POGZ: variants seen among roughly 807,000 people sequenced by gnomAD.
POGZ encodes pogo transposable element with ZNF domain.
In POGZ, 17 loss-of-function variants were observed where a neutral mutation model predicts 134.6. That is an observed-to-expected ratio of 0.13 (90% CI 0.09 to 0.19). The LOEUF (loss-of-function observed/expected upper bound fraction) is 0.19. Ranked by LOEUF, POGZ falls within the 10% of genes least tolerant of loss-of-function variation. The pLI, the probability that POGZ is intolerant of heterozygous loss-of-function variation, is 1.00. For missense variants in POGZ, 1,306 were observed against 1,769.7 expected, an observed-to-expected ratio of 0.74 and a Z score of 4.70; for synonymous variants, 693 against 657.1, an observed-to-expected ratio of 1.05 and a Z score of -0.84.
chr1:151,423,859 T>A, intron 9 of POGZ, 90 bp downstream of exon 9: 3 of 979,252 alleles, frequency 3.1e-6, no homozygotes, highest in Non-Finnish European at 4.5e-6. Flanking sequence ...AGTAGTTAGG[T>A]CCATTCTCCA....
chr1:151,423,526 C>G lies in POGZ; in HGVS notation c.1549G>C (p.Val517Leu). ...TCACCGTTCTGCTGATCGAGTTCTA[C>G]GTGGTGTTTCATATGGTTCATGAAT... ...IRFMNHMKHH[V>L]ELDQQNGEVD... is the part of the protein sequence containing the mutation. Residue 517 changes from valine (V) to leucine (L), a missense_variant, in exon 10 of 19, where the codon GTA (valine) becomes CTA (leucine). This residue lies in a region of POGZ where 541 missense variants were observed against 680.5 expected (regional missense o/e 0.80). Coordinates refer to ENST00000271715, the MANE Select transcript of POGZ (RefSeq NM_015100.4). The G allele has an allele frequency of 6.2e-7, 1 of 1,613,662 alleles. No homozygotes were observed. Among genetic ancestry groups the G allele is most frequent in the Non-Finnish European group, 8.5e-7 (1 of 1,179,696 alleles).
Position 151,403,815 on chromosome 1 carries a change from C to G in POGZ, c.*987G>C, listed in dbSNP as rs995368269. ...TAGGACCAGTAATCCCTTAAACAGGCATGCTCTCCATCTAACAGGATGAAG... is the reference window on the plus strand; with the variant it reads ...TAGGACCAGTAATCCCTTAAACAGGGATGCTCTCCATCTAACAGGATGAAG... On this transcript the variant is annotated 3_prime_UTR_variant, in exon 19 of 19. Transcript: ENST00000271715. The G allele has an allele frequency of 4.1e-5, 40 of 985,412 alleles. No homozygotes were observed. Among genetic ancestry groups the G allele is most frequent in the Non-Finnish European group, 4.6e-5 (38 of 829,948 alleles). The allele number at this position is 985,412 out of a possible 1,614,324, so 61.0% of individuals were successfully genotyped here. A position where few individuals can be genotyped will look rare whatever the true frequency, so the allele number is the denominator to read the frequency against.
At chr1:151,451,320 AT>A (rs1291143338) in intron 1 of POGZ, among the ~76,000 whole-genome samples, 1 of 151,370 alleles carries the variant, frequency 6.6e-6, no homozygotes, top group Non-Finnish European at 1.5e-5. Flanking sequence ...TTATTTATTT[AT>A]TTTATTTTTT....
At position 151,404,677 on chromosome 1, in the gene POGZ, T is replaced by C. The variant is rs1653244085; in HGVS notation, c.*125A>G. The C allele has an allele frequency of 2.8e-6, 4 of 1,409,388 alleles. No homozygotes were observed. In the Admixed American group the frequency reaches 9.2e-5, roughly 32 times the overall value. The allele number at this position is 1,409,388 out of a possible 1,614,324, so 87.3% of individuals were successfully genotyped here. A position where few individuals can be genotyped will look rare whatever the true frequency, so the allele number is the denominator to read the frequency against. The stretch of plus-strand genomic sequence containing the variant: ...AGTGTAAGTCAACTTCAGGGGGGAG[T>C]GGTGGTATAAAATTAAAAAATAGAA... On this transcript the variant is annotated 3_prime_UTR_variant, in exon 19 of 19. Coordinates refer to ENST00000271715, the MANE Select transcript of POGZ (RefSeq NM_015100.4).
Position 151,405,480 on chromosome 1 carries a change from G to A in POGZ, c.3555C>T (p.Asn1185=). The change falls in exon 19 of 19, where the codon AAC becomes AAT. Residue 1185 remains asparagine (N), a synonymous_variant. Coordinates refer to ENST00000271715, the MANE Select transcript of POGZ (RefSeq NM_015100.4). The surrounding 1 kb of genome is among the most constrained non-coding windows in gnomAD (Gnocchi z 4.9). ...CCTCTAGCAATATGGAGTCTGGCAT[G>A]TTAGCAGGCTGATCCATCTGCCCTC... ...FYRGQMDQPA[N]MPDSILLEAK... is the part of the protein sequence containing the mutation. 1 of 1,614,212 alleles carries A rather than the reference G, an allele frequency of 6.2e-7. No homozygotes were observed. The highest frequency in any genetic ancestry group is 1.1e-5 in the South Asian group (1 of 91,090).
In POGZ at chr1:151,403,938, T is replaced by C; in HGVS notation, c.*864A>G. 1 of 984,996 alleles carries C rather than the reference T, an allele frequency of 1.0e-6. No homozygotes were observed. Among genetic ancestry groups the C allele is most frequent in the Non-Finnish European group, 1.2e-6 (1 of 829,504 alleles). 61.0% of individuals were successfully genotyped at this position (984,996 alleles called of 1,614,324 possible). The stretch of plus-strand genomic sequence containing the variant: ...AACTGTTTGATCGCTTCAGTATCTC[T>C]TGCTTGCTAATAACACCTGTATGAT... On this transcript the variant is annotated 3_prime_UTR_variant, in exon 19 of 19. Transcript: ENST00000271715.
intron 7 of POGZ, chr1:151,427,040 G>A (rs138682012): frequency 1.3e-5 from 2 of 151,556 alleles, no homozygotes; most frequent in Non-Finnish European, 1.5e-5. Flanking sequence ...GAGTAGCGAG[G>A]ACTGCAGACA....
At position 151,404,350 on chromosome 1, in the gene POGZ, CAAT is replaced by C. The variant is rs2102136301; in HGVS notation, c.*449_*451del. 1.0e-6 allele frequency: 1 copy of C among 985,670 alleles called. No homozygotes were observed. Among genetic ancestry groups the C allele is most frequent in the Non-Finnish European group, 1.2e-6 (1 of 829,638 alleles). 61.1% of individuals were successfully genotyped at this position (985,670 alleles called of 1,614,324 possible). A position where few individuals can be genotyped will look rare whatever the true frequency, so the allele number is the denominator to read the frequency against. On this transcript the variant is annotated 3_prime_UTR_variant, in exon 19 of 19. Transcript: ENST00000271715. ...ATCTTCAGAAATGTTCTCACATTAA[CAAT>C]GATTAGATAGCATCATGCCCAAAGA...
chr1:151,452,375 G>T (rs1165195294), intron 1 of POGZ, among the ~76,000 whole-genome samples: 1 of 151,456 alleles, frequency 6.6e-6, no homozygotes, highest in African/African-American at 2.4e-5. Flanking sequence ...TTTTGAGACA[G>T]GGTGTCATTC....
At chr1:151,417,010 T>C (rs907067505) in intron 10 of POGZ, among the ~76,000 whole-genome samples, 1 of 152,052 alleles carries the variant, frequency 6.6e-6, no homozygotes, top group Non-Finnish European at 1.5e-5. Context: ...ACTCAGAAAA[T>C]TTTTAAATAA....
At chr1:151,438,210 C>G (rs1435742380) in intron 3 of POGZ, among the ~76,000 whole-genome samples, 2 of 139,996 alleles carry the variant, frequency 1.4e-5, no homozygotes, top group Non-Finnish European at 3.1e-5. Context: ...GACTCCATCT[C>G]AAAAAAAAAC....
At chr1:151,416,051 T>C (rs181756198) in intron 10 of POGZ, among the ~76,000 whole-genome samples, 6 of 149,310 alleles carry the variant, frequency 4.0e-5, no homozygotes, top group African/African-American at 4.9e-5. Flanking sequence ...CCGCCTCTAA[T>C]ACAAAAATTA....
intron 10 of POGZ, among the ~76,000 whole-genome samples, chr1:151,416,228 A>AAAAAAAAG: frequency 6.7e-6 from 1 of 148,778 alleles, no homozygotes; most frequent in African/African-American, 2.5e-5. Context: ...AAAAAAAAAA[A>AAAAAAAAG]AAAAAAAGAA....
chr1:151,433,824 T>C (rs1659136112), intron 3 of POGZ, among the ~76,000 whole-genome samples: 1 of 152,114 alleles, frequency 6.6e-6, no homozygotes, highest in Admixed American at 6.6e-5. Flanking sequence ...CTTACAAGGT[T>C]CTATTTCCAG....
intron 5 of POGZ, 63 bp from the exon 6 acceptor site, chr1:151,428,476 T>C: frequency 7.3e-7 from 1 of 1,373,906 alleles, no homozygotes; most frequent in Non-Finnish European, 1.0e-6. Flanking sequence ...ACATTCTCCC[T>C]GCCTTTACTG....
At chr1:151,424,579 T>C in intron 8 of POGZ, 1 of 324,674 alleles carries the variant, frequency 3.1e-6, no homozygotes, top group Admixed American at 4.5e-5. Context: ...AACCTTTTTA[T>C]CTGGACTAAT....
rs989034851 is a variant in POGZ, at chr1:151,423,333, A to T, written c.1678+64T>A. ...TAAATAAATATAATGGGCTCCCCCC[A>T]GCGCCATTCAATGAGTGAACAGCAA... On this transcript the variant is annotated intron_variant, in intron 10 of 18. Transcript: ENST00000271715. The T allele has an allele frequency of 2.2e-6, 3 of 1,337,560 alleles. No homozygotes were observed. The Admixed American group carries it at 5.2e-5, about 23-fold the overall frequency. The allele number at this position is 1,337,560 out of a possible 1,614,324, so 82.9% of individuals were successfully genotyped here.
intron 10 of POGZ, among the ~76,000 whole-genome samples, chr1:151,421,928 T>A (rs1047411644): frequency 2.0e-5 from 3 of 152,122 alleles, no homozygotes; most frequent in Non-Finnish European, 2.9e-5. Context: ...AATTTTTGTA[T>A]TTTTAGTAGA....
At position 151,408,248 on chromosome 1, in the gene POGZ, G is replaced by GA. The variant is rs1166960609; in HGVS notation, c.2235-9_2235-8insT. 3 of 1,598,146 alleles carry GA rather than the reference G, an allele frequency of 1.9e-6. No individual in the cohort carries two copies. Among genetic ancestry groups the GA allele is most frequent in the Admixed American group, 3.6e-5 (2 of 54,918 alleles). ...TGCCGGCCCATGACACTCCTGTGGG[G>GA]GAAAAAAAAAAAGAATTCTCATTAC... is the stretch of plus-strand genomic sequence containing the variant. On this transcript the variant is annotated splice_polypyrimidine_tract_variant and intron_variant, in intron 14 of 18. Coordinates refer to ENST00000271715, the MANE Select transcript of POGZ (RefSeq NM_015100.4).
Sources: gnomAD v4.1 joint callset for allele counts (sites outside exome capture counted in the v4.1 genomes callset) on GRCh38, gnomAD v4.1.1 for gene constraint, gnomAD v4.1.1 regional missense constraint, Gnocchi (gnomAD v3.1) non-coding constraint, MANE v1.5 for transcripts, NCBI Gene and HGNC (gene_info 2026-07-23, HGNC 2026-07-21) for gene names.